Variants in DEGS2 observed in about 807,000 individuals in gnomAD.
DEGS2 encodes sphingolipid delta(4)-desaturase/C4-monooxygenase DES2.
A neutral mutation model predicts 23.8 loss-of-function variants in DEGS2; 19 were observed. The observed-to-expected ratio is 0.80, with a 90% CI of 0.56 to 1.17. The LOEUF (loss-of-function observed/expected upper bound fraction) is 1.17, where lower values mean the gene tolerates loss of function less well. Ranked by LOEUF, DEGS2 falls within the 50% of genes most tolerant of loss-of-function variation. The pLI, the probability that DEGS2 is intolerant of heterozygous loss-of-function variation, is 0.00. For missense variants in DEGS2, 390 were observed against 459.5 expected, an observed-to-expected ratio of 0.85 and a Z score of 1.38; for synonymous variants, 218 against 213.7, an observed-to-expected ratio of 1.02 and a Z score of -0.18.
At chr14:100,147,668 C>A (rs1018568244) in intron 2 of DEGS2, among the ~76,000 whole-genome samples, 2 of 147,936 alleles carry the variant, frequency 1.4e-5, no homozygotes, top group African/African-American at 5.0e-5. Flanking sequence ...GCCCCCCCCC[C>A]CCAGGATGCC....
upstream of DEGS2, among the ~76,000 whole-genome samples, chr14:100,164,117 G>T (rs1352458662): frequency 1.3e-5 from 2 of 151,966 alleles, no homozygotes; most frequent in African/African-American, 4.8e-5. Flanking sequence ...GATGTAGGAG[G>T]ATGGCTTGAG....
rs367658326 is a variant in DEGS2, at chr14:100,146,881, G to A, written c.852C>T (p.Tyr284=). The A allele has an allele frequency of 2.2e-5, 35 of 1,613,314 alleles. No individual in the cohort carries two copies. The highest frequency in any genetic ancestry group is 5.0e-5 in the Admixed American group (3 of 59,978). The part of the protein sequence containing the change: ...PLVRKIAPEY[Y]DHLPQHHSWV... Reference sequence around the variant, plus strand: ...AGGAGTGGTGCTGCGGCAGGTGGTCGTAGTACTCGGGCGCGATCTTCCGCA... The same window carrying A: ...AGGAGTGGTGCTGCGGCAGGTGGTCATAGTACTCGGGCGCGATCTTCCGCA... Residue 284 remains tyrosine, a synonymous_variant, in exon 3 of 3, where the codon TAC becomes TAT. Coordinates refer to ENST00000305631, the MANE Select transcript of DEGS2 (RefSeq NM_206918.3).
At chr14:100,155,102 G>A (rs927594683) in intron 1 of DEGS2, among the ~76,000 whole-genome samples, 1 of 152,192 alleles carries the variant, frequency 6.6e-6, no homozygotes, top group Non-Finnish European at 1.5e-5. Context: ...CACATGGGAG[G>A]TGCCCGTCAC....
At position 100,144,118 on chromosome 14, in the gene DEGS2, A is replaced by G. The variant is rs1471580122; in HGVS notation, c.*2643T>C. Reference sequence around the variant, plus strand: ...GTGACAGCCGGCCCAGCGTGGCGCCACCACACACCGCAGAGCTGTCCAGGC... The same window carrying G: ...GTGACAGCCGGCCCAGCGTGGCGCCGCCACACACCGCAGAGCTGTCCAGGC... On this transcript the variant is annotated 3_prime_UTR_variant, in exon 3 of 3. Transcript: ENST00000305631. 3.2e-6 allele frequency: 1 copy of G among 314,466 alleles called. No individual in the cohort carries two copies. Among genetic ancestry groups the G allele is most frequent in the Middle Eastern group, 1.0e-3 (1 of 984 alleles). 19.5% of individuals were successfully genotyped at this position (314,466 alleles called of 1,614,324 possible). A position where few individuals can be genotyped will look rare whatever the true frequency, so the allele number is the denominator to read the frequency against.
Position 100,150,966 on chromosome 14 carries a change from T to C in DEGS2, c.83-1256A>G, listed in dbSNP as rs1183260980. Among the ~76,000 whole-genome samples, 4 of 152,210 alleles carry C rather than the reference T, an allele frequency of 2.6e-5. No homozygotes were observed. In the East Asian group the frequency reaches 5.8e-4, roughly 22 times the overall value. Reference sequence around the variant, plus strand: ...CCACTGGGACCCCAGAAACAGGCACTGGGCTGGCCCATCCAACAGGCATGC... The same window carrying C: ...CCACTGGGACCCCAGAAACAGGCACCGGGCTGGCCCATCCAACAGGCATGC... On this transcript the variant is annotated intron_variant, in intron 1 of 2. Coordinates refer to ENST00000305631, the MANE Select transcript of DEGS2 (RefSeq NM_206918.3).
At chr14:100,162,544 C>G (rs976676322), upstream of DEGS2, among the ~76,000 whole-genome samples, 2 of 152,130 alleles carry the variant, frequency 1.3e-5, no homozygotes, top group African/African-American at 4.8e-5. Flanking sequence ...GCTGGGATCA[C>G]AGGCATGAGC....
chr14:100,164,996 G>T, the DEGS2 span, among the ~76,000 whole-genome samples: 1 of 152,154 alleles, frequency 6.6e-6, no homozygotes, highest in Non-Finnish European at 1.5e-5. Context: ...AATAAAAAAT[G>T]AATTACTGCC....
chr14:100,159,440 C>T lies in DEGS2; in HGVS notation c.82+66G>A, dbSNP rs1259190253. ...GGAGCGGCCCGTCTGGGCTCGACCC[C>T]ACGACGCGACTCCAGACGGGCCAAC... On this transcript the variant is annotated intron_variant, in intron 1 of 2. Coordinates refer to ENST00000305631, the MANE Select transcript of DEGS2 (RefSeq NM_206918.3). 21 of 1,300,584 alleles carry T rather than the reference C, an allele frequency of 1.6e-5. No individual in the cohort carries two copies. The Admixed American group carries it at 2.1e-4, about 13-fold the overall frequency. The allele number at this position is 1,300,584 out of a possible 1,614,324, so 80.6% of individuals were successfully genotyped here. A position where few individuals can be genotyped will look rare whatever the true frequency, so the allele number is the denominator to read the frequency against.
chr14:100,152,938 A>G (rs1335649297), intron 1 of DEGS2, among the ~76,000 whole-genome samples: 2 of 152,058 alleles, frequency 1.3e-5, no homozygotes, highest in Non-Finnish European at 2.9e-5. Context: ...GGGAAAGGGA[A>G]GGAAGGAAGA....
intron 2 of DEGS2, among the ~76,000 whole-genome samples, chr14:100,147,407 G>A (rs774555646): frequency 3.0e-4 from 46 of 152,180 alleles, no homozygotes; most frequent in Non-Finnish European, 5.6e-4. Flanking sequence ...AGGCCACAGT[G>A]TCACACCCAT....
At chr14:100,153,737 C>T (rs61991316) in intron 1 of DEGS2, among the ~76,000 whole-genome samples, 4,086 of 152,348 alleles carry the variant, frequency 0.027, 81 homozygotes, top group Non-Finnish European at 0.04. Flanking sequence ...CAGAGCCCGA[C>T]GTGCACAGCC....
chr14:100,158,461 C>G (rs553768922), intron 1 of DEGS2, among the ~76,000 whole-genome samples: 1 of 152,138 alleles, frequency 6.6e-6, no homozygotes, highest in South Asian at 2.1e-4. Flanking sequence ...ACTCAGAAGG[C>G]TGAGGCAGGA....
chr14:100,144,022 C>A lies in DEGS2; in HGVS notation c.*2739G>T. On this transcript the variant is annotated 3_prime_UTR_variant, in exon 3 of 3. Transcript: ENST00000305631. ...TTTCTTTGGGTTTCTAGAGACGCCC[C>A]TAAGTCACCTGCTTCATTAGACGGT... 1 of 475,192 alleles carries A rather than the reference C, an allele frequency of 2.1e-6. No individual in the cohort carries two copies. The highest frequency in any genetic ancestry group is 3.7e-6 in the Non-Finnish European group (1 of 267,308). 29.4% of individuals were successfully genotyped at this position (475,192 alleles called of 1,614,324 possible). A position where few individuals can be genotyped will look rare whatever the true frequency, so the allele number is the denominator to read the frequency against.
chr14:100,150,096 G>A lies in DEGS2; in HGVS notation c.83-386C>T, dbSNP rs949457454. Among the ~76,000 whole-genome samples the A allele has an allele frequency of 1.5e-4, 23 of 152,206 alleles. 1 individual carries two copies. The highest frequency in any genetic ancestry group is 2.6e-4 in the Non-Finnish European group (18 of 68,028). On this transcript the variant is annotated intron_variant, in intron 1 of 2. Transcript: ENST00000305631. The stretch of plus-strand genomic sequence containing the variant: ...ACACGGGGAGCCTCAGCCAGGAGGT[G>A]GGGACCCAGCGCCCGCAGCAAAGTG...
upstream of DEGS2, among the ~76,000 whole-genome samples, chr14:100,161,622 C>T (rs1889747362): frequency 6.6e-6 from 1 of 152,134 alleles, no homozygotes; most frequent in Non-Finnish European, 1.5e-5. Context: ...AAAGCTGGAC[C>T]ATAGTTAATC....
chr14:100,146,620 C>T lies in DEGS2; in HGVS notation c.*141G>A. The T allele has an allele frequency of 8.0e-7, 1 of 1,243,468 alleles. No individual in the cohort carries two copies. The highest frequency in any genetic ancestry group is 1.1e-6 in the Non-Finnish European group (1 of 899,978). The allele number at this position is 1,243,468 out of a possible 1,614,324, so 77.0% of individuals were successfully genotyped here. Reference sequence around the variant, plus strand: ...GCCCTGCAGCCCACACTGCTGTTGCCAGGTGTGGCTGCGCGGGACACTCCT... The same window carrying T: ...GCCCTGCAGCCCACACTGCTGTTGCTAGGTGTGGCTGCGCGGGACACTCCT... On this transcript the variant is annotated 3_prime_UTR_variant, in exon 3 of 3. Coordinates refer to ENST00000305631, the MANE Select transcript of DEGS2 (RefSeq NM_206918.3).
At chr14:100,159,673 A>G, upstream of DEGS2, 1 of 197,498 alleles carries the variant, frequency 5.1e-6, no homozygotes, top group East Asian at 2.3e-4. Context: ...ACCAGCTCTG[A>G]TTAGGGCGGG....
chr14:100,152,880 G>A (rs1223313417), intron 1 of DEGS2, among the ~76,000 whole-genome samples: 1 of 137,480 alleles, frequency 7.3e-6, no homozygotes, highest in Non-Finnish European at 1.6e-5. Flanking sequence ...TCCCCTCTTC[G>A]AATGGATGGA....
chr14:100,145,207 G>C lies in DEGS2; in HGVS notation c.*1554C>G, dbSNP rs1889418575. The C allele has an allele frequency of 6.6e-6, 1 of 152,406 alleles. No homozygotes were observed. 9.4% of individuals were successfully genotyped at this position (152,406 alleles called of 1,614,324 possible). On this transcript the variant is annotated 3_prime_UTR_variant, in exon 3 of 3. Coordinates refer to ENST00000305631, the MANE Select transcript of DEGS2 (RefSeq NM_206918.3). ...GCCTTCAGTTTGTGGGTGAGGCCTG[G>C]ACATGCCCCTTTGCGCTGTCTGCAG...
Sources: gnomAD v4.1 joint callset for allele counts (sites outside exome capture counted in the v4.1 genomes callset) on GRCh38, gnomAD v4.1.1 for gene constraint, MANE v1.5 for transcripts, NCBI Gene and HGNC (gene_info 2026-07-23, HGNC 2026-07-21) for gene names.